USH1C: variants seen among roughly 807,000 people sequenced by gnomAD.
The protein encoded by USH1C is USH1 protein network component harmonin.
Under a neutral mutation model 119.3 loss-of-function variants are expected in USH1C, and 90 were observed. The observed-to-expected ratio is 0.75, with a 90% CI of 0.64 to 0.90. USH1C has a LOEUF of 0.90. USH1C is among the 40% of genes least tolerant of loss of function. The pLI, the probability that USH1C is intolerant of heterozygous loss-of-function variation, is 0.00. For missense variants in USH1C, 1,165 were observed against 1,167.7 expected, an observed-to-expected ratio of 1.00 and a Z score of 0.03; for synonymous variants, 465 against 443.3, an observed-to-expected ratio of 1.05 and a Z score of -0.62.
chr11:17,505,452 C>T (rs1051763069), intron 19 of USH1C, among the ~76,000 whole-genome samples: 2 of 152,262 alleles, frequency 1.3e-5, no homozygotes, highest in Admixed American at 1.3e-4. Flanking sequence ...CTCTGGTAAC[C>T]TCTCTAAACC....
intron 8 of USH1C, 133 bp downstream of exon 8, chr11:17,526,214 A>G: frequency 1.3e-6 from 1 of 751,528 alleles, no homozygotes; most frequent in Non-Finnish European, 2.3e-6. Context: ...CAAAAAAAGT[A>G]TCATCACCCA....
At chr11:17,513,722 A>G (rs1489944744) in intron 15 of USH1C, among the ~76,000 whole-genome samples, 3 of 152,180 alleles carry the variant, frequency 2.0e-5, no homozygotes, top group Non-Finnish European at 2.9e-5. Context: ...CAATTTCCCA[A>G]GAGGAGCCAG....
rs1265464766 is a variant in USH1C at position 17,531,432 on chromosome 11, A to T, written c.215T>A (p.Val72Glu). ...IRPLIPLKHQ[V>E]EYDQLTPRRS... ...CCGGGGGGTCAGCTGATCATATTCC[A>T]CCTGGTGCTTCAGTGGGATCAGCGG... The change falls in exon 3 of 27, where the codon GTG becomes GAG. Residue 72 changes from valine to glutamate, a missense_variant. Coordinates refer to ENST00000005226, the MANE Select transcript of USH1C (RefSeq NM_153676.4). The surrounding 1 kb of genome is among the most constrained non-coding windows in gnomAD (Gnocchi z 4.2). The T allele has an allele frequency of 1.2e-6, 2 of 1,613,926 alleles. No homozygotes were observed. The highest frequency in any genetic ancestry group is 2.2e-5 in the East Asian group (1 of 44,848).
chr11:17,535,734 T>A (rs573113013), intron 1 of USH1C, among the ~76,000 whole-genome samples: 1 of 152,272 alleles, frequency 6.6e-6, no homozygotes, highest in East Asian at 1.9e-4. Flanking sequence ...CCCCATGCGG[T>A]GGCACCAGGA....
At chr11:17,518,948 G>C (rs1294702350) in intron 14 of USH1C, among the ~76,000 whole-genome samples, 1 of 152,088 alleles carries the variant, frequency 6.6e-6, no homozygotes. Context: ...TTGAACCCAG[G>C]AGGCGGAGGC....
intron 14 of USH1C, chr11:17,517,264 C>T: frequency 2.2e-6 from 2 of 895,034 alleles, no homozygotes; most frequent in East Asian, 2.6e-5. Context: ...CAAGCTGGGG[C>T]TTGGAGGAGC....
intron 1 of USH1C, among the ~76,000 whole-genome samples, chr11:17,541,237 AT>A: frequency 6.6e-6 from 1 of 152,088 alleles, no homozygotes; most frequent in Non-Finnish European, 1.5e-5. Context: ...ACTATCTGGC[AT>A]TGTATGATAC....
chr11:17,544,255 C>T lies in USH1C; in HGVS notation c.36+17G>A, dbSNP rs1196116115. The stretch of plus-strand genomic sequence containing the variant: ...ACTCCGGAGTCCCAGAAGCCTGGGG[C>T]GCCCTGCAGCTCTGACCTTATGCCG... On this transcript the variant is annotated intron_variant, in intron 1 of 26. Coordinates refer to ENST00000005226, the MANE Select transcript of USH1C (RefSeq NM_153676.4). The T allele has an allele frequency of 6.2e-6, 10 of 1,613,812 alleles. No individual in the cohort carries two copies. The African/African-American group carries it at 6.7e-5, about 11-fold the overall frequency.
chr11:17,494,374 G>T lies in USH1C; in HGVS notation c.2658C>A (p.Asp886Glu). ...TTCCCCTTTTGGACTTCAGAAGAAG[G>T]TCCTGCAGGGAAGTGGAAACAGCCC... ...HGFLLQLEPT[D>E]LLLKSKRGNQ... is the part of the protein sequence containing the mutation. The change falls in exon 27 of 27, where the codon GAC becomes GAA. Residue 886 changes from aspartate (D) to glutamate (E), a missense_variant and splice_region_variant. Asp to Glu is a conservative substitution (Grantham distance 45). Coordinates refer to ENST00000005226, the MANE Select transcript of USH1C (RefSeq NM_153676.4). 1.3e-6 allele frequency: 2 copies of T among 1,598,638 alleles called. No homozygotes were observed. Among genetic ancestry groups the T allele is most frequent in the Non-Finnish European group, 1.7e-6 (2 of 1,171,972 alleles).
At chr11:17,543,428 C>T (rs747760678) in intron 1 of USH1C, among the ~76,000 whole-genome samples, 16 of 151,970 alleles carry the variant, frequency 1.1e-4, no homozygotes, top group South Asian at 8.3e-4. Flanking sequence ...CCCCCCCAAG[C>T]GGCTTCATCC....
At chr11:17,510,338 G>A (rs183772811) in intron 17 of USH1C, 67 bp downstream of exon 17, 28 of 1,343,160 alleles carry the variant, frequency 2.1e-5, no homozygotes, top group Admixed American at 8.6e-5. Context: ...CTCACCTCCC[G>A]CTGTCCCCAC....
chr11:17,510,073 G>A (rs1267530296), intron 17 of USH1C, among the ~76,000 whole-genome samples: 5 of 152,166 alleles, frequency 3.3e-5, no homozygotes, highest in Non-Finnish European at 7.3e-5. Flanking sequence ...GCCATCTGTG[G>A]GTGGTAAGGT....
intron 21 of USH1C, 103 bp from the exon 22 acceptor site, chr11:17,501,638 A>C (rs892785815): frequency 4.4e-6 from 6 of 1,352,008 alleles, no homozygotes; most frequent in Non-Finnish European, 1.0e-6. Flanking sequence ...ACTGGGCCCC[A>C]CAGAGCACAT....
chr11:17,511,542 A>G (rs1316479582), intron 16 of USH1C, among the ~76,000 whole-genome samples: 1 of 152,062 alleles, frequency 6.6e-6, no homozygotes. Context: ...AAGAGGACAG[A>G]CTCAAATCTC....
chr11:17,517,300 C>CA, intron 14 of USH1C: 1 of 1,230,728 alleles, frequency 8.1e-7, no homozygotes, highest in Non-Finnish European at 1.2e-6. Flanking sequence ...GGCCCCCACA[C>CA]ATGCTGGGCC....
chr11:17,526,714 A>G, intron 7 of USH1C, 39 bp downstream of exon 7: 2 of 1,604,390 alleles, frequency 1.2e-6, no homozygotes, highest in Non-Finnish European at 1.7e-6. Flanking sequence ...CTTGAAGATG[A>G]CCCCACCCAA....
intron 14 of USH1C, among the ~76,000 whole-genome samples, chr11:17,520,507 T>C (rs1850362201): frequency 6.6e-6 from 1 of 152,126 alleles, no homozygotes; most frequent in Admixed American, 6.5e-5. Context: ...CCCCAGCCCC[T>C]GTTCAGAACC....
In USH1C at chr11:17,516,236, C is replaced by G. The variant is rs767771471; in HGVS notation, c.1260+5G>C. 1.2e-6 allele frequency: 2 copies of G among 1,613,744 alleles called. No individual in the cohort carries two copies. The highest frequency in any genetic ancestry group is 1.7e-6 in the Non-Finnish European group (2 of 1,179,910). Reference sequence around the variant, plus strand: ...ACACCAGCACAGCACCCAACCCTGTCCTACCTTCCGGATGGTTGGGAATTT... The same window carrying G: ...ACACCAGCACAGCACCCAACCCTGTGCTACCTTCCGGATGGTTGGGAATTT... On this transcript the variant is annotated splice_donor_5th_base_variant and intron_variant, in intron 15 of 26. Transcript: ENST00000005226.
chr11:17,533,354 A>C, intron 1 of USH1C, 32 bp from the exon 2 acceptor site: 4 of 1,502,842 alleles, frequency 2.7e-6, no homozygotes, highest in Non-Finnish European at 3.7e-6. Context: ...TCACAGCTCC[A>C]GGCTCAGCAC....
Sources: allele counts gnomAD v4.1 joint callset (sites outside exome capture counted in the v4.1 genomes callset), GRCh38; gene constraint gnomAD v4.1.1; non-coding constraint Gnocchi (gnomAD v3.1); transcripts MANE v1.5; gene names NCBI Gene and HGNC (gene_info 2026-07-23, HGNC 2026-07-21).